CNBD1: variants seen among roughly 807,000 people sequenced by gnomAD.
The protein encoded by CNBD1 is cyclic nucleotide binding domain containing 1.
In CNBD1, 71 loss-of-function variants were observed where a neutral mutation model predicts 54.4. The observed-to-expected ratio is 1.30, with a 90% CI of 1.08 to 1.59. The LOEUF is 1.59. Ranked by LOEUF, CNBD1 falls within the 40% of genes most tolerant of loss-of-function variation. The pLI is 0.00. For synonymous variants in CNBD1, 182 were observed against 170.7 expected (o/e 1.07, Z -0.51); for missense variants, 659 against 518.0 (o/e 1.27, Z -2.64).
At chr8:87,417,183 G>T (rs1043373683) in intron 2 of CNBD1, among the ~76,000 whole-genome samples, 26 of 152,084 alleles carry the variant, frequency 1.7e-4, no homozygotes, top group African/African-American at 6.3e-4. Context: ...AAGGTGGAAG[G>T]TGAAGGAAAA....
intron 4 of CNBD1, among the ~76,000 whole-genome samples, chr8:87,073,883 C>A (rs535715213): frequency 2.6e-5 from 4 of 151,922 alleles, no homozygotes; most frequent in Admixed American, 2.6e-4. Context: ...GGGCAGATCA[C>A]GAGGTCAGGA....
chr8:87,070,326 G>C lies in CNBD1; in HGVS notation c.431+130572G>C, dbSNP rs553587367. On this transcript the variant is annotated intron_variant, in intron 4 of 10. Coordinates refer to ENST00000518476, the MANE Select transcript of CNBD1 (RefSeq NM_173538.3). The stretch of plus-strand genomic sequence containing the variant: ...TTTTTTGGGTCTTATTTTTGTGTGG[G>C]ATGGGGAAGAGGAGAAACCACCTTT... 2.6e-5 allele frequency among the ~76,000 whole-genome samples: 4 copies of C among 152,174 alleles called. No individual in the cohort carries two copies. The East Asian group carries it at 7.7e-4, about 29-fold the overall frequency.
At chr8:87,331,503 A>G (rs556958642) in intron 8 of CNBD1, among the ~76,000 whole-genome samples, 1 of 152,206 alleles carries the variant, frequency 6.6e-6, no homozygotes, top group African/African-American at 2.4e-5. Context: ...TGCTATTGTG[A>G]ATAGTGCTGC....
At chr8:87,384,527 G>C (rs1811146506), downstream of CNBD1, among the ~76,000 whole-genome samples, 1 of 152,138 alleles carries the variant, frequency 6.6e-6, no homozygotes. Context: ...TTTGAATGTT[G>C]ATTCAGTATT....
intron 5 of CNBD1, among the ~76,000 whole-genome samples, chr8:87,225,195 A>C (rs1284800389): frequency 1.3e-5 from 2 of 149,110 alleles, no homozygotes; most frequent in Non-Finnish European, 3.0e-5. Flanking sequence ...GCAAACAGGG[A>C]CAATTTGACT....
intron 1 of CNBD1, among the ~76,000 whole-genome samples, chr8:86,871,398 A>T (rs1270587116): frequency 6.6e-6 from 1 of 152,202 alleles, no homozygotes; most frequent in African/African-American, 2.4e-5. Flanking sequence ...CTTCCAACAT[A>T]TACTGTGAAC....
At chr8:87,097,693 G>A (rs546779961) in intron 4 of CNBD1, among the ~76,000 whole-genome samples, 6 of 152,272 alleles carry the variant, frequency 3.9e-5, no homozygotes, top group South Asian at 4.1e-4. Context: ...AATGCAATGC[G>A]TGGTGCCACA....
chr8:87,362,959 C>T (rs149479092), intron 10 of CNBD1, among the ~76,000 whole-genome samples: 2 of 151,824 alleles, frequency 1.3e-5, no homozygotes, highest in South Asian at 4.2e-4. Context: ...TACCCATCAA[C>T]CCGTCATCTA....
intron 4 of CNBD1, among the ~76,000 whole-genome samples, chr8:87,096,286 G>A (rs532470208): frequency 7.9e-5 from 12 of 151,494 alleles, no homozygotes; most frequent in African/African-American, 2.7e-4. Flanking sequence ...CTTATAGCCG[G>A]CCTTCTCCCT....
At chr8:87,426,146 T>C (rs10094662) in intron 2 of CNBD1, among the ~76,000 whole-genome samples, 86,139 of 152,172 alleles carry the variant, frequency 0.57, 25,896 homozygotes, top group African/African-American at 0.77. Context: ...TTGTGCTTCC[T>C]GAGTGAGGCA....
chr8:87,166,318 A>G lies in CNBD1; in HGVS notation c.432-39675A>G, dbSNP rs1055865459. Among the ~76,000 whole-genome samples the G allele has an allele frequency of 2.0e-5, 3 of 151,582 alleles. No homozygotes were observed. The highest frequency in any genetic ancestry group is 7.3e-5 in the African/African-American group (3 of 41,302). Reference sequence around the variant, plus strand: ...ATCTTGGATCTGTCTGCTTGGTTCCATTTTTACTGATGTCGCTTGTCTCCA... The same window carrying G: ...ATCTTGGATCTGTCTGCTTGGTTCCGTTTTTACTGATGTCGCTTGTCTCCA... On this transcript the variant is annotated intron_variant, in intron 4 of 10. Coordinates refer to ENST00000518476, the MANE Select transcript of CNBD1 (RefSeq NM_173538.3). The surrounding 1 kb of genome is among the most constrained non-coding windows in gnomAD (Gnocchi z 4.3).
intron 2 of CNBD1, among the ~76,000 whole-genome samples, chr8:87,414,576 A>G (rs1807806421): frequency 6.6e-6 from 1 of 152,098 alleles, no homozygotes; most frequent in Non-Finnish European, 1.5e-5. Context: ...TGGAAGGTTA[A>G]GAAAGTAGGG....
chr8:86,941,592 T>C (rs528965459), intron 4 of CNBD1, among the ~76,000 whole-genome samples: 1 of 152,214 alleles, frequency 6.6e-6, no homozygotes, highest in Admixed American at 6.5e-5. Context: ...GGGAGGTCAG[T>C]AACAGGGACT....
chr8:87,356,197 A>T (rs112603135), intron 10 of CNBD1, among the ~76,000 whole-genome samples: 3,678 of 152,190 alleles, frequency 0.024, 152 homozygotes, highest in African/African-American at 0.081. Flanking sequence ...ACTAATACAG[A>T]CGTGGGGTGT....
chr8:87,195,409 G>T (rs1053027905), intron 4 of CNBD1, among the ~76,000 whole-genome samples: 1 of 151,190 alleles, frequency 6.6e-6, no homozygotes, highest in African/African-American at 2.4e-5. Context: ...TGTAGTTTTA[G>T]TAGAGACAGG....
At chr8:86,985,386 C>T (rs1227825028) in intron 4 of CNBD1, among the ~76,000 whole-genome samples, 1 of 152,138 alleles carries the variant, frequency 6.6e-6, no homozygotes, top group African/African-American at 2.4e-5. Context: ...ACCCATGGTG[C>T]CTTCCCTTCC....
intron 6 of CNBD1, among the ~76,000 whole-genome samples, chr8:87,255,920 T>G (rs1807998043): frequency 7.3e-6 from 1 of 137,356 alleles, no homozygotes; most frequent in Admixed American, 7.6e-5. Flanking sequence ...AAAAGACTGA[T>G]GTTGCAAGAT....
At chr8:87,210,971 C>G (rs1369316322) in intron 5 of CNBD1, among the ~76,000 whole-genome samples, 4 of 152,134 alleles carry the variant, frequency 2.6e-5, no homozygotes, top group Non-Finnish European at 4.4e-5. Flanking sequence ...AAAGCTGCAG[C>G]TACTCAACTC....
chr8:87,331,583 TG>T (rs1375910481), intron 8 of CNBD1, among the ~76,000 whole-genome samples: 1 of 152,212 alleles, frequency 6.6e-6, no homozygotes, highest in Non-Finnish European at 1.5e-5. Flanking sequence ...TACCCAGTAA[TG>T]GGATTGCTGG....
Sources: allele counts gnomAD v4.1 joint callset (sites outside exome capture counted in the v4.1 genomes callset), GRCh38; gene constraint gnomAD v4.1.1; non-coding constraint Gnocchi (gnomAD v3.1); transcripts MANE v1.5; gene names NCBI Gene and HGNC (gene_info 2026-07-23, HGNC 2026-07-21).